The following XRCC4 variants were observed in gnomAD, a reference collection of about 807,000 sequenced individuals.
XRCC4 encodes the protein X-ray repair cross complementing 4.
XRCC4 carries 28 observed loss-of-function variants against 39.1 expected under a neutral mutation model. That is an observed-to-expected ratio of 0.72 (90% CI 0.53 to 0.98). The LOEUF (loss-of-function observed/expected upper bound fraction) is 0.98, where lower values mean the gene tolerates loss of function less well. Among genes scored for constraint, XRCC4 ranks in the 50% least tolerant of loss-of-function variants. The probability of loss-of-function intolerance (pLI) is 0.00; values close to 1 mark genes in which losing one functional copy is unlikely to be tolerated. For missense variants in XRCC4, 350 were observed against 376.4 expected (o/e 0.93, Z 0.58); for synonymous variants, 123 against 126.4 (o/e 0.97, Z 0.18).
chr5:83,209,078 AAGTG>A (rs1473412832), intron 6 of XRCC4, among the ~76,000 whole-genome samples: 1 of 108,318 alleles, frequency 9.2e-6, no homozygotes, highest in East Asian at 2.3e-4. Flanking sequence ...CCTGCCTCCA[AAGTG>A]AGTGTGTGTG....
intron 3 of XRCC4, among the ~76,000 whole-genome samples, chr5:83,134,899 C>T (rs535321772): frequency 3.9e-5 from 6 of 152,256 alleles, no homozygotes; most frequent in African/African-American, 1.4e-4. Context: ...GTGACACTGA[C>T]CGCGAAGGTC....
At chr5:83,367,804 G>A in the XRCC4 span, among the ~76,000 whole-genome samples, 4 of 151,164 alleles carry the variant, frequency 2.6e-5, no homozygotes, top group Non-Finnish European at 2.9e-5. Context: ...TGTTGGCCAG[G>A]CTGGTCTTGA....
intron 3 of XRCC4, among the ~76,000 whole-genome samples, chr5:83,167,874 A>G (rs1479294976): frequency 1.3e-5 from 2 of 152,206 alleles, no homozygotes; most frequent in Non-Finnish European, 2.9e-5. Context: ...AACATGACTA[A>G]TATATTCAGC....
rs553256540 is a variant in XRCC4, at chr5:83,218,482, A to G, written c.745+13561A>G. ...GTTTGTATGTCTGTTTTAAGAGGAC[A>G]TGTACTAAATATGAGGAGAGGATCA... On this transcript the variant is annotated intron_variant, in intron 6 of 7. Transcript: ENST00000396027. Among the ~76,000 whole-genome samples the G allele has an allele frequency of 1.2e-4, 18 of 152,188 alleles. 1 individual carries two copies. The highest frequency in any genetic ancestry group is 6.5e-5 in the Admixed American group (1 of 15,286).
chr5:83,214,266 T>A (rs1751761297), intron 6 of XRCC4, among the ~76,000 whole-genome samples: 1 of 152,176 alleles, frequency 6.6e-6, no homozygotes, highest in Non-Finnish European at 1.5e-5. Context: ...TAAAACTTCC[T>A]TTTTGCAGAT....
intron 7 of XRCC4, among the ~76,000 whole-genome samples, chr5:83,312,808 G>C (rs1755750126): frequency 6.6e-6 from 1 of 152,092 alleles, no homozygotes; most frequent in African/African-American, 2.4e-5. Context: ...GAGAAGTTGT[G>C]GAAATGAGAG....
chr5:83,092,998 A>G (rs1322481598), intron 1 of XRCC4, among the ~76,000 whole-genome samples: 1 of 141,818 alleles, frequency 7.1e-6, no homozygotes, highest in Non-Finnish European at 1.5e-5. Flanking sequence ...TATAAAAGAC[A>G]AGGAGTAAAT....
chr5:83,089,653 T>A (rs1283904609), intron 1 of XRCC4, among the ~76,000 whole-genome samples: 1 of 152,156 alleles, frequency 6.6e-6, no homozygotes, highest in Non-Finnish European at 1.5e-5. Context: ...AAATCAAGGT[T>A]TCCCTTGATT....
intron 1 of XRCC4, among the ~76,000 whole-genome samples, chr5:83,103,389 A>G (rs895831942): frequency 6.6e-6 from 1 of 152,068 alleles, no homozygotes; most frequent in Non-Finnish European, 1.5e-5. Flanking sequence ...TCTTTATTGT[A>G]TGAAGTAAAA....
At chr5:83,267,276 C>T (rs1753989040) in intron 7 of XRCC4, among the ~76,000 whole-genome samples, 1 of 152,080 alleles carries the variant, frequency 6.6e-6, no homozygotes, top group Non-Finnish European at 1.5e-5. Context: ...AATGTTATTT[C>T]TAAAGGTATA....
chr5:83,221,968 T>C (rs1240299816), intron 6 of XRCC4, among the ~76,000 whole-genome samples: 1 of 151,876 alleles, frequency 6.6e-6, no homozygotes, highest in Non-Finnish European at 1.5e-5. Flanking sequence ...ACATCTTCTT[T>C]ATCTGATAGT....
intron 2 of XRCC4, among the ~76,000 whole-genome samples, chr5:83,105,857 T>G (rs1193294043): frequency 6.6e-6 from 1 of 152,162 alleles, no homozygotes; most frequent in Non-Finnish European, 1.5e-5. Flanking sequence ...CTATTAACTT[T>G]AGAAATATTT....
chr5:83,192,158 TTATA>T (rs571672763), intron 3 of XRCC4, among the ~76,000 whole-genome samples: 1 of 149,832 alleles, frequency 6.7e-6, no homozygotes, highest in African/African-American at 2.4e-5. Flanking sequence ...CTATGATTCT[TTATA>T]TATATATACA....
At chr5:83,294,223 C>CTAAG (rs1268055579) in intron 7 of XRCC4, among the ~76,000 whole-genome samples, 2 of 151,914 alleles carry the variant, frequency 1.3e-5, no homozygotes, top group Non-Finnish European at 2.9e-5. Context: ...ACAAAAGTTT[C>CTAAG]TAAGTACACA....
At chr5:83,265,182 GATAAT>G (rs776255416) in intron 7 of XRCC4, among the ~76,000 whole-genome samples, 2 of 152,000 alleles carry the variant, frequency 1.3e-5, no homozygotes, top group African/African-American at 2.4e-5. Flanking sequence ...AATTTAGATG[GATAAT>G]ATAATCATCA....
chr5:83,303,311 AT>A (rs1257984839), intron 7 of XRCC4, among the ~76,000 whole-genome samples: 1 of 152,126 alleles, frequency 6.6e-6, no homozygotes, highest in Non-Finnish European at 1.5e-5. Context: ...TAGCTGTAAA[AT>A]TAAGTGAAAG....
intron 7 of XRCC4, among the ~76,000 whole-genome samples, chr5:83,303,754 A>C (rs561894844): frequency 1.4e-4 from 21 of 152,328 alleles, no homozygotes; most frequent in Middle Eastern, 3.4e-3. Context: ...AGGTAATGTT[A>C]TATGGAATAA....
intron 7 of XRCC4, among the ~76,000 whole-genome samples, chr5:83,269,168 A>G (rs1288984103): frequency 3.9e-5 from 6 of 152,128 alleles, no homozygotes; most frequent in Non-Finnish European, 7.4e-5. Flanking sequence ...CCAGAAGAGG[A>G]AAACAAACCC....
At chr5:83,086,626 G>C (rs1367386438) in intron 1 of XRCC4, among the ~76,000 whole-genome samples, 1 of 151,954 alleles carries the variant, frequency 6.6e-6, no homozygotes, top group East Asian at 1.9e-4. Context: ...CAGAGGTAGA[G>C]GAGGTGGAAG....
Sources: allele counts gnomAD v4.1 joint callset (sites outside exome capture counted in the v4.1 genomes callset), GRCh38; gene constraint gnomAD v4.1.1; transcripts MANE v1.5; gene names NCBI Gene and HGNC (gene_info 2026-07-23, HGNC 2026-07-21).